Variants in DPYD observed in about 807,000 individuals in gnomAD.
DPYD encodes the protein dihydropyrimidine dehydrogenase.
Under a neutral mutation model 116.2 loss-of-function variants are expected in DPYD, and 109 were observed. The observed-to-expected ratio is 0.94, with a 90% CI of 0.80 to 1.10. DPYD has a LOEUF of 1.10. Among genes scored for constraint, DPYD ranks in the 50% least tolerant of loss-of-function variants. DPYD has a pLI of 0.00. For synonymous variants in DPYD, 440 were observed against 432.0 expected (o/e 1.02, Z -0.23); for missense variants, 1,302 against 1,254.5 (o/e 1.04, Z -0.57).
intron 16 of DPYD, among the ~76,000 whole-genome samples, chr1:97,353,552 A>T (rs1483855230): frequency 6.6e-6 from 1 of 152,080 alleles, no homozygotes; most frequent in Non-Finnish European, 1.5e-5. Context: ...CAAAGTAAAC[A>T]ACCACCAAAA....
At chr1:97,091,229 G>A (rs1213238761) in intron 21 of DPYD, among the ~76,000 whole-genome samples, 1 of 152,122 alleles carries the variant, frequency 6.6e-6, no homozygotes, top group Non-Finnish European at 1.5e-5. Flanking sequence ...CAGTGTCATG[G>A]AGTTTAAACT....
chr1:97,919,030 C>G (rs1049331509), intron 1 of DPYD, among the ~76,000 whole-genome samples: 1 of 152,186 alleles, frequency 6.6e-6, no homozygotes, highest in Admixed American at 6.5e-5. Flanking sequence ...ATAGGATCAA[C>G]TGAGGCATTT....
At chr1:97,686,339 T>C (rs576096861) in intron 7 of DPYD, among the ~76,000 whole-genome samples, 1 of 152,084 alleles carries the variant, frequency 6.6e-6, no homozygotes, top group South Asian at 2.1e-4. Flanking sequence ...CAAGATGGAT[T>C]AAAGACTTAC....
At chr1:97,814,932 G>GGAAA (rs60383204) in intron 3 of DPYD, among the ~76,000 whole-genome samples, 2 of 54,846 alleles carry the variant, frequency 3.6e-5, no homozygotes, top group African/African-American at 1.4e-4. Context: ...GAAAGAGAGA[G>GGAAA]GAAAGAAAGA....
intron 2 of DPYD, among the ~76,000 whole-genome samples, chr1:97,868,242 G>A (rs571386262): frequency 5.3e-5 from 8 of 151,818 alleles, no homozygotes; most frequent in South Asian, 2.1e-4. Flanking sequence ...AAGTGTAAAA[G>A]TTGTCAGAAT....
intron 11 of DPYD, among the ~76,000 whole-genome samples, chr1:97,564,147 A>T (rs1467151592): frequency 6.6e-6 from 1 of 152,166 alleles, no homozygotes; most frequent in African/African-American, 2.4e-5. Flanking sequence ...AGGATCTATC[A>T]ATGTTATTAT....
At chr1:97,213,558 A>G (rs1488708311) in intron 19 of DPYD, among the ~76,000 whole-genome samples, 4 of 152,142 alleles carry the variant, frequency 2.6e-5, no homozygotes, top group Non-Finnish European at 5.9e-5. Context: ...TTAAATGACA[A>G]TTAGAATGGT....
At chr1:97,147,692 CAT>C (rs1654726886) in intron 20 of DPYD, among the ~76,000 whole-genome samples, 1 of 152,174 alleles carries the variant, frequency 6.6e-6, no homozygotes, top group South Asian at 2.1e-4. Context: ...AAGACTTACA[CAT>C]ATTTCTCAAG....
chr1:97,272,717 C>CT (rs1469471529), intron 18 of DPYD, among the ~76,000 whole-genome samples: 1 of 151,996 alleles, frequency 6.6e-6, no homozygotes, highest in Non-Finnish European at 1.5e-5. Context: ...TCAGTTCAAG[C>CT]TTTTTTTCTT....
chr1:97,807,017 T>C (rs1323312090), intron 3 of DPYD, among the ~76,000 whole-genome samples: 4 of 152,064 alleles, frequency 2.6e-5, no homozygotes, highest in African/African-American at 9.6e-5. Flanking sequence ...CTCTAAATAA[T>C]ATTCCTTTGT....
rs72732357 is a variant in DPYD at position 97,597,191 on chromosome 1, T to C, written c.851-2025A>G. On this transcript the variant is annotated intron_variant, in intron 8 of 22. Transcript: ENST00000370192. ...CTACATTTGACTATTCAAACCAACA[T>C]ATACATATGCTACATATAATTAGCT... 4.6e-3 allele frequency among the ~76,000 whole-genome samples: 700 copies of C among 152,290 alleles called. 10 individuals carry two copies. Among genetic ancestry groups the C allele is most frequent in the African/African-American group, 0.016 (654 of 41,538 alleles).
At chr1:97,899,968 C>T (rs1013448306) in intron 1 of DPYD, among the ~76,000 whole-genome samples, 5 of 151,916 alleles carry the variant, frequency 3.3e-5, no homozygotes, top group Admixed American at 1.3e-4. Context: ...GTATGCACTC[C>T]ATCCTTCCTT....
intron 6 of DPYD, among the ~76,000 whole-genome samples, chr1:97,695,708 G>C (rs186979911): frequency 1.3e-5 from 2 of 152,096 alleles, no homozygotes; most frequent in East Asian, 3.9e-4. Flanking sequence ...TCTGAGGTTA[G>C]GAGGAGTTGT....
intron 15 of DPYD, among the ~76,000 whole-genome samples, chr1:97,381,535 T>C (rs1416845869): frequency 6.6e-6 from 1 of 152,176 alleles, no homozygotes; most frequent in Non-Finnish European, 1.5e-5. Context: ...ACTGATCATG[T>C]TTAATTTCAC....
At chr1:97,914,168 G>C (rs914180100) in intron 1 of DPYD, among the ~76,000 whole-genome samples, 1 of 152,070 alleles carries the variant, frequency 6.6e-6, no homozygotes, top group Non-Finnish European at 1.5e-5. Context: ...AATTATTATA[G>C]CTAGTATAAA....
chr1:97,705,321 C>A (rs914582132), intron 5 of DPYD, among the ~76,000 whole-genome samples: 1 of 152,016 alleles, frequency 6.6e-6, no homozygotes, highest in Admixed American at 6.6e-5. Context: ...TGTGGTGTTC[C>A]CCTTCCTGTG....
chr1:97,116,920 G>A (rs1046070927), intron 20 of DPYD, among the ~76,000 whole-genome samples: 68 of 151,240 alleles, frequency 4.5e-4, no homozygotes, highest in African/African-American at 1.6e-3. Flanking sequence ...AGGCCGAGGT[G>A]GGTGGATCAC....
intron 21 of DPYD, among the ~76,000 whole-genome samples, chr1:97,083,385 ATT>A (rs1026832591): frequency 2.0e-5 from 3 of 151,546 alleles, no homozygotes; most frequent in Non-Finnish European, 4.4e-5. Context: ...TTGGTATTGC[ATT>A]TTCTGCTATT....
chr1:97,181,057 G>A (rs1205780960), intron 20 of DPYD, among the ~76,000 whole-genome samples: 1 of 152,126 alleles, frequency 6.6e-6, no homozygotes, highest in Non-Finnish European at 1.5e-5. Context: ...ACATGGAAGT[G>A]GAAATCCATG....
Sources: gnomAD v4.1 joint callset for allele counts (sites outside exome capture counted in the v4.1 genomes callset) on GRCh38, gnomAD v4.1.1 for gene constraint, MANE v1.5 for transcripts, NCBI Gene and HGNC (gene_info 2026-07-23, HGNC 2026-07-21) for gene names.